The following ZNF730 variants were observed in gnomAD, a reference collection of about 807,000 sequenced individuals.
ZNF730 encodes the protein putative zinc finger protein 730.
A neutral mutation model predicts 12.6 loss-of-function variants in ZNF730; 12 were observed. That is an observed-to-expected ratio of 0.95 (90% CI 0.61 to 1.54). The LOEUF is 1.54. Among genes scored for constraint, ZNF730 ranks in the 40% most tolerant of loss-of-function variants. The probability of loss-of-function intolerance (pLI) is 0.00; values close to 1 mark genes in which losing one functional copy is unlikely to be tolerated. For missense variants in ZNF730, 643 were observed against 583.5 expected, an observed-to-expected ratio of 1.10 and a Z score of -1.05; for synonymous variants, 194 against 195.8, an observed-to-expected ratio of 0.99 and a Z score of 0.08.
chr19:23,136,179 G>T, intron 3 of ZNF730, 136 bp downstream of exon 3: 8 of 640,836 alleles, frequency 1.2e-5, no homozygotes, highest in South Asian at 7.8e-5. Flanking sequence ...TATTTATTTT[G>T]CTTTTTATTT....
chr19:23,138,587 G>A (rs1415521541), intron 3 of ZNF730, among the ~76,000 whole-genome samples: 1 of 152,324 alleles, frequency 6.6e-6, no homozygotes, highest in Non-Finnish European at 1.5e-5. Context: ...GGACCAAGTT[G>A]GGTGGATAAT....
intron 1 of ZNF730, chr19:23,100,120 AGTC>A (rs1970312992): frequency 6.6e-6 from 1 of 152,106 alleles, no homozygotes; most frequent in Non-Finnish European, 1.5e-5. Context: ...TGTCTACAGA[AGTC>A]ATTGCGATAT....
intron 1 of ZNF730, among the ~76,000 whole-genome samples, chr19:23,131,375 A>G (rs571492474): frequency 3.9e-5 from 6 of 152,270 alleles, no homozygotes; most frequent in Non-Finnish European, 8.8e-5. Flanking sequence ...GTGCTATCAC[A>G]GTGCCCTGTA....
intron 1 of ZNF730, among the ~76,000 whole-genome samples, chr19:23,107,475 A>AAAAAC (rs752480467): frequency 1.7e-5 from 2 of 118,934 alleles, no homozygotes; most frequent in Non-Finnish European, 1.8e-5. Flanking sequence ...AAAAAAAAAA[A>AAAAAC]CCACCACAGC....
chr19:23,095,745 T>C (rs909609337), intron 1 of ZNF730: 1 of 296,422 alleles, frequency 3.4e-6, no homozygotes, highest in African/African-American at 2.2e-5. Context: ...TTTATGTGAC[T>C]CTCCTCTCTT....
At chr19:23,129,977 G>A (rs1188109381) in intron 1 of ZNF730, among the ~76,000 whole-genome samples, 1 of 147,640 alleles carries the variant, frequency 6.8e-6, no homozygotes, top group Non-Finnish European at 1.5e-5. Context: ...CTGGGTGCTG[G>A]AGCGAGACTC....
intron 1 of ZNF730, among the ~76,000 whole-genome samples, chr19:23,083,080 C>T (rs565502139): frequency 6.6e-6 from 1 of 151,990 alleles, no homozygotes; most frequent in African/African-American, 2.4e-5. Context: ...CTGCAATAAA[C>T]ACGGGAATGC....
chr19:23,076,593 G>A (rs1375968722), intron 1 of ZNF730, among the ~76,000 whole-genome samples: 1 of 152,174 alleles, frequency 6.6e-6, no homozygotes, highest in Non-Finnish European at 1.5e-5. Flanking sequence ...TTAGAGGGCA[G>A]CCTGAGGAAT....
chr19:23,120,579 G>C (rs1379124530), intron 1 of ZNF730, among the ~76,000 whole-genome samples: 2 of 151,756 alleles, frequency 1.3e-5, no homozygotes, highest in African/African-American at 2.4e-5. Flanking sequence ...AATCTTATTA[G>C]TGGTTTATTA....
intron 1 of ZNF730, chr19:23,128,334 G>A: frequency 1.7e-6 from 1 of 590,148 alleles, no homozygotes; most frequent in Non-Finnish European, 3.1e-6. Context: ...ACAGGAAACA[G>A]TTCTCTCAAT....
In ZNF730 at chr19:23,136,011, T is replaced by G. The variant is rs780800255; in HGVS notation, c.194T>G (p.Leu65Trp). The G allele has an allele frequency of 6.2e-7, 1 of 1,608,460 alleles. No individual in the cohort carries two copies. Among genetic ancestry groups the G allele is most frequent in the Non-Finnish European group, 8.5e-7 (1 of 1,177,202 alleles). The part of the protein sequence containing the change: ...CLEQEKEPWN[L>W]KTHDMVAKPP... ...GAGCAAGAAAAAGAGCCTTGGAATTTGAAGACACATGATATGGTAGCCAAA... is the reference window on the plus strand; with the variant it reads ...GAGCAAGAAAAAGAGCCTTGGAATTGGAAGACACATGATATGGTAGCCAAA... Residue 65 changes from leucine to tryptophan, a missense_variant, in exon 3 of 4, where the codon TTG (leucine) becomes TGG (tryptophan). Leu to Trp is a moderately conservative substitution (Grantham distance 61). Coordinates refer to ENST00000597761, the MANE Select transcript of ZNF730 (RefSeq NM_001277403.2).
chr19:23,111,606 G>A (rs1394828460), intron 1 of ZNF730, among the ~76,000 whole-genome samples: 5 of 152,054 alleles, frequency 3.3e-5, no homozygotes, highest in South Asian at 4.2e-4. Context: ...AAAATTAGCC[G>A]GGCATGGTGG....
intron 1 of ZNF730, among the ~76,000 whole-genome samples, chr19:23,098,943 GTA>G (rs1261205745): frequency 6.6e-6 from 1 of 152,178 alleles, no homozygotes; most frequent in Non-Finnish European, 1.5e-5. Context: ...TCTCCTCTCT[GTA>G]TGAAGGTTAT....
intron 1 of ZNF730, among the ~76,000 whole-genome samples, chr19:23,079,680 G>A (rs1969931348): frequency 6.6e-6 from 1 of 152,152 alleles, no homozygotes; most frequent in South Asian, 2.1e-4. Flanking sequence ...GAAGTATTAA[G>A]TGCAGTCCTG....
intron 1 of ZNF730, among the ~76,000 whole-genome samples, chr19:23,094,200 A>C (rs1970206708): frequency 6.6e-6 from 1 of 150,972 alleles, no homozygotes; most frequent in Admixed American, 6.6e-5. Context: ...CAGTACATTG[A>C]ATTGCTGTTT....
Position 23,146,267 on chromosome 19 carries a change from T to C in ZNF730, c.1223T>C (p.Ile408Thr). 3.1e-6 allele frequency: 5 copies of C among 1,610,942 alleles called. No individual in the cohort carries two copies. Among genetic ancestry groups the C allele is most frequent in the Non-Finnish European group, 4.2e-6 (5 of 1,179,040 alleles). ...GAATGTGGCAAAGCCTTTAGCCGTA[T>C]CTCACACCTTACTACACATAAGAGA... ...CEECGKAFSR[I>T]SHLTTHKRIH... The change falls in exon 4 of 4, where the codon ATC becomes ACC. Residue 408 changes from isoleucine (I) to threonine (T), a missense_variant. Ile to Thr is a moderately conservative substitution (Grantham distance 89, BLOSUM62 -1). Coordinates refer to ENST00000597761, the MANE Select transcript of ZNF730 (RefSeq NM_001277403.2).
chr19:23,117,726 A>C (rs1970549716), intron 1 of ZNF730, among the ~76,000 whole-genome samples: 1 of 152,148 alleles, frequency 6.6e-6, no homozygotes, highest in Admixed American at 6.5e-5. Context: ...AAATTCAGTA[A>C]TCGGTTAGGT....
Position 23,080,212 on chromosome 19 carries a change from G to C in ZNF730, c.-94+4825G>C, listed in dbSNP as rs114871487. 3.2e-3 allele frequency among the ~76,000 whole-genome samples: 484 copies of C among 152,122 alleles called. 4 individuals are homozygous for C. The highest frequency in any genetic ancestry group is 8.9e-3 in the African/African-American group (371 of 41,508). Reference sequence around the variant, plus strand: ...TAATATCCTGTTGTATATATGTGCCGCATTCGTTTAATCTACTCATTTGTA... The same window carrying C: ...TAATATCCTGTTGTATATATGTGCCCCATTCGTTTAATCTACTCATTTGTA... On this transcript the variant is annotated intron_variant, in intron 1 of 2. Coordinates refer to the ZNF730 transcript ENST00000593635.
intron 1 of ZNF730, chr19:23,126,937 C>T (rs1200066065): frequency 1.9e-6 from 1 of 518,622 alleles, no homozygotes; most frequent in Non-Finnish European, 3.8e-6. Context: ...TTGAGGTCCT[C>T]ATCAGCAGAC....
Sources: allele counts gnomAD v4.1 joint callset (sites outside exome capture counted in the v4.1 genomes callset), GRCh38; gene constraint gnomAD v4.1.1; transcripts MANE v1.5; gene names NCBI Gene and HGNC (gene_info 2026-07-23, HGNC 2026-07-21).